The following FAM110B variants were observed in gnomAD, a reference collection of about 807,000 sequenced individuals.
The protein encoded by FAM110B is family with sequence similarity 110 member B.
In FAM110B, 6 loss-of-function variants were observed where a neutral mutation model predicts 20.4. The ratio of observed to expected loss-of-function variants is 0.29; its 90% CI spans 0.16 to 0.58. The LOEUF (loss-of-function observed/expected upper bound fraction) is 0.58, where lower values mean the gene tolerates loss of function less well. FAM110B is among the 20% of genes least tolerant of loss of function. FAM110B has a pLI of 0.90. For missense variants in FAM110B, 434 were observed against 498.2 expected (o/e 0.87, Z 1.23); for synonymous variants, 226 against 214.1 (o/e 1.06, Z -0.49).
At chr8:58,025,257 G>A (rs1422690408) in intron 1 of FAM110B, among the ~76,000 whole-genome samples, 1 of 152,190 alleles carries the variant, frequency 6.6e-6, no homozygotes, top group Non-Finnish European at 1.5e-5. Flanking sequence ...GAGGTCAAGG[G>A]AATGTTTCTC....
intron 3 of FAM110B, among the ~76,000 whole-genome samples, chr8:58,142,331 T>G (rs1803760677): frequency 6.6e-6 from 1 of 152,200 alleles, no homozygotes; most frequent in Non-Finnish European, 1.5e-5. Context: ...ATGCGTAATC[T>G]GGGTCTCACC....
At chr8:58,053,709 T>G (rs561351690) in intron 2 of FAM110B, among the ~76,000 whole-genome samples, 13 of 152,362 alleles carry the variant, frequency 8.5e-5, no homozygotes, top group African/African-American at 3.1e-4. Context: ...TTATTTTATC[T>G]CAATGATTTT....
chr8:58,062,003 C>G (rs372608760), intron 2 of FAM110B, among the ~76,000 whole-genome samples: 1 of 152,188 alleles, frequency 6.6e-6, no homozygotes, highest in South Asian at 2.1e-4. Flanking sequence ...AGGATTCTTT[C>G]TCTTCAAATA....
rs979489836 is a variant in FAM110B at position 58,148,645 on chromosome 8, G to A, written c.*1302G>A. The A allele has an allele frequency of 4.2e-5, 7 of 167,088 alleles. No homozygotes were observed. The highest frequency in any genetic ancestry group is 3.9e-4 in the Admixed American group (6 of 15,274). The allele number at this position is 167,088 out of a possible 1,614,324, so 10.4% of individuals were successfully genotyped here. The stretch of plus-strand genomic sequence containing the variant: ...TTTGCCACATCTGAAGTTCTCAGCA[G>A]CACTACCTTAGACTTCATGAGCTAA... On this transcript the variant is annotated 3_prime_UTR_variant, in exon 4 of 4. Transcript: ENST00000519262.
chr8:58,079,583 C>G lies in FAM110B; in HGVS notation c.-325+3960C>G, dbSNP rs144563896. Among the ~76,000 whole-genome samples, 664 of 152,168 alleles carry G rather than the reference C, an allele frequency of 4.4e-3. 5 individuals are homozygous for G. The highest frequency in any genetic ancestry group is 0.015 in the African/African-American group (625 of 41,506). On this transcript the variant is annotated intron_variant, in intron 3 of 3. Coordinates refer to ENST00000519262, the MANE Select transcript of FAM110B (RefSeq NM_001377989.1). ...CTTCAGACCAGGAGGTCAAGACCAG[C>G]CTGAGCAACACTGTGAGACCCTGTC...
chr8:58,080,852 C>T (rs1377518523), intron 3 of FAM110B, among the ~76,000 whole-genome samples: 1 of 152,156 alleles, frequency 6.6e-6, no homozygotes, highest in African/African-American at 2.4e-5. Flanking sequence ...GAGCACTGGC[C>T]CTTCATGTTC....
rs557328741 is a variant in FAM110B at position 58,021,293 on chromosome 8, A to G, written c.-511-10313A>G. ...AAATCTGTGGTATCTGTGCTATTCTATTGGGTCACCACTGGTTACTGATAC... is the reference window on the plus strand; with the variant it reads ...AAATCTGTGGTATCTGTGCTATTCTGTTGGGTCACCACTGGTTACTGATAC... On this transcript the variant is annotated intron_variant, in intron 1 of 3. Coordinates refer to ENST00000519262, the MANE Select transcript of FAM110B (RefSeq NM_001377989.1). 9.2e-5 allele frequency among the ~76,000 whole-genome samples: 14 copies of G among 152,232 alleles called. No individual in the cohort carries two copies. The South Asian group carries it at 2.5e-3, about 27-fold the overall frequency.
At chr8:58,080,246 C>T (rs116946155) in intron 3 of FAM110B, among the ~76,000 whole-genome samples, 4 of 152,204 alleles carry the variant, frequency 2.6e-5, no homozygotes, top group East Asian at 3.9e-4. Context: ...ACAGGAAAGT[C>T]GGTTGAGGGA....
chr8:58,001,824 GAGAGAACC>G (rs1251563749), intron 1 of FAM110B, among the ~76,000 whole-genome samples: 1 of 152,092 alleles, frequency 6.6e-6, no homozygotes, highest in Non-Finnish European at 1.5e-5. Context: ...TTGTATTAGT[GAGAGAACC>G]AGAGAACCAG....
chr8:58,031,990 T>C (rs929422069), intron 2 of FAM110B, among the ~76,000 whole-genome samples: 1 of 152,210 alleles, frequency 6.6e-6, no homozygotes, highest in African/African-American at 2.4e-5. Context: ...AATGGGGAGA[T>C]TGGCAAAAAC....
chr8:58,019,994 C>G (rs1460989486), intron 1 of FAM110B, among the ~76,000 whole-genome samples: 1 of 151,912 alleles, frequency 6.6e-6, no homozygotes, highest in African/African-American at 2.4e-5. Flanking sequence ...TTGCAAGTCA[C>G]TTGTACTTAA....
At chr8:58,131,444 T>C (rs1803462461) in intron 3 of FAM110B, among the ~76,000 whole-genome samples, 1 of 152,284 alleles carries the variant, frequency 6.6e-6, no homozygotes, top group East Asian at 1.9e-4. Flanking sequence ...TTTTTACCAT[T>C]GAAAAATAAA....
chr8:58,025,243 C>T (rs1052125019), intron 1 of FAM110B, among the ~76,000 whole-genome samples: 3 of 152,136 alleles, frequency 2.0e-5, no homozygotes, highest in African/African-American at 7.2e-5. Context: ...GGTCAAAGCT[C>T]AGGGAGGTCA....
At chr8:58,082,070 G>A (rs1185280401) in intron 3 of FAM110B, among the ~76,000 whole-genome samples, 1 of 152,104 alleles carries the variant, frequency 6.6e-6, no homozygotes, top group South Asian at 2.1e-4. Context: ...TTCTGTACAG[G>A]GAGCTGCGAG....
chr8:58,070,142 T>C (rs1805858630), intron 2 of FAM110B: 1 of 152,298 alleles, frequency 6.6e-6, no homozygotes, highest in African/African-American at 2.4e-5. Context: ...GCATGTGCCT[T>C]TTCCTCATTG....
At chr8:58,139,503 T>C (rs1352281271) in intron 3 of FAM110B, among the ~76,000 whole-genome samples, 1 of 152,194 alleles carries the variant, frequency 6.6e-6, no homozygotes, top group Non-Finnish European at 1.5e-5. Context: ...TCAGTCTTTT[T>C]TGGTCAGCCT....
chr8:58,052,772 CTTTTTTTTTTTTTT>C (rs71248165), intron 2 of FAM110B, among the ~76,000 whole-genome samples: 2 of 52,288 alleles, frequency 3.8e-5, no homozygotes, highest in Non-Finnish European at 6.9e-5. Context: ...GTGATGGACT[CTTTTTTTTTTTTTT>C]TTTTTTTTTT....
intron 3 of FAM110B, among the ~76,000 whole-genome samples, chr8:58,125,565 G>C (rs1466668447): frequency 6.6e-6 from 1 of 152,082 alleles, no homozygotes; most frequent in African/African-American, 2.4e-5. Flanking sequence ...TGTTCAAAAA[G>C]AGACTTCATT....
chr8:58,101,578 A>G (rs1806780966), intron 3 of FAM110B, among the ~76,000 whole-genome samples: 1 of 152,150 alleles, frequency 6.6e-6, no homozygotes. Flanking sequence ...TTCTTAAAAC[A>G]TGACCATGAT....
Sources: gnomAD v4.1 joint callset for allele counts (sites outside exome capture counted in the v4.1 genomes callset) on GRCh38, gnomAD v4.1.1 for gene constraint, MANE v1.5 for transcripts, NCBI Gene and HGNC (gene_info 2026-07-23, HGNC 2026-07-21) for gene names.